TPH2: variants seen among roughly 807,000 people sequenced by gnomAD.
TPH2 encodes tryptophan 5-hydroxylase 2.
Under a neutral mutation model 59.1 loss-of-function variants are expected in TPH2, and 27 were observed. The observed-to-expected ratio is 0.46, with a 90% CI of 0.34 to 0.63. TPH2 has a LOEUF of 0.63. Among genes scored for constraint, TPH2 ranks in the 30% least tolerant of loss-of-function variants. The pLI is 0.01. For synonymous variants in TPH2, 220 were observed against 210.5 expected, an observed-to-expected ratio of 1.05 and a Z score of -0.39; for missense variants, 523 against 588.3, an observed-to-expected ratio of 0.89 and a Z score of 1.15.
At chr12:71,969,734 T>A (rs1359383341) in intron 5 of TPH2, among the ~76,000 whole-genome samples, 6 of 152,242 alleles carry the variant, frequency 3.9e-5, no homozygotes, top group Non-Finnish European at 8.8e-5. Flanking sequence ...GAAAAATCAA[T>A]TTTACTCCAT....
At chr12:71,969,891 C>T (rs1210890204) in intron 5 of TPH2, among the ~76,000 whole-genome samples, 1 of 152,128 alleles carries the variant, frequency 6.6e-6, no homozygotes, top group Non-Finnish European at 1.5e-5. Flanking sequence ...CTTTCCTCAT[C>T]CATAAAATGG....
intron 5 of TPH2, among the ~76,000 whole-genome samples, chr12:71,951,809 T>C (rs1308977742): frequency 6.6e-6 from 1 of 152,060 alleles, no homozygotes; most frequent in African/African-American, 2.4e-5. Context: ...GCAGATCACC[T>C]GAGGTCAGGA....
At chr12:71,969,640 A>G (rs955796498) in intron 5 of TPH2, among the ~76,000 whole-genome samples, 1 of 152,246 alleles carries the variant, frequency 6.6e-6, no homozygotes, top group Non-Finnish European at 1.5e-5. Context: ...ATGACATATA[A>G]TTGTATATGA....
chr12:71,978,943 C>G lies in TPH2; in HGVS notation c.806-9C>G. ...AATATTTAGTTGGCTTTTTCTGTTG[C>G]CTTTTTAGAAAGGTCTGGCTTCACG... On this transcript the variant is annotated splice_polypyrimidine_tract_variant and intron_variant, in intron 6 of 10. Transcript: ENST00000333850. The G allele has an allele frequency of 6.2e-7, 1 of 1,614,104 alleles. No individual in the cohort carries two copies. Among genetic ancestry groups the G allele is most frequent in the Non-Finnish European group, 8.5e-7 (1 of 1,179,990 alleles).
chr12:72,007,124 G>A (rs1872975170), intron 8 of TPH2, among the ~76,000 whole-genome samples: 1 of 152,092 alleles, frequency 6.6e-6, no homozygotes, highest in Non-Finnish European at 1.5e-5. Flanking sequence ...GTTTTAGATG[G>A]AGATAGCATG....
At chr12:72,006,059 C>T (rs1383992747) in intron 8 of TPH2, among the ~76,000 whole-genome samples, 1 of 152,160 alleles carries the variant, frequency 6.6e-6, no homozygotes, top group Admixed American at 6.5e-5. Context: ...AGGGTGAACT[C>T]TACTATATAT....
intron 4 of TPH2, among the ~76,000 whole-genome samples, chr12:71,949,225 G>A (rs1048658972): frequency 5.3e-5 from 8 of 152,140 alleles, no homozygotes; most frequent in African/African-American, 1.9e-4. Flanking sequence ...TCATGTTAAA[G>A]GGATCTGTTT....
At position 71,994,621 on chromosome 12, in the gene TPH2, G is replaced by A; in HGVS notation, c.1068+56G>A. Reference sequence around the variant, plus strand: ...TATTTATGTCCATTTGTAAGGTAAAGAAAGCTTCAGGATTATTGACTATGA... The same window carrying A: ...TATTTATGTCCATTTGTAAGGTAAAAAAAGCTTCAGGATTATTGACTATGA... On this transcript the variant is annotated intron_variant, in intron 8 of 10. Transcript: ENST00000333850. 3 of 1,602,812 alleles carry A rather than the reference G, an allele frequency of 1.9e-6. No homozygotes were observed. The South Asian group carries it at 3.3e-5, about 18-fold the overall frequency.
chr12:71,974,699 A>C (rs368215496), intron 6 of TPH2, among the ~76,000 whole-genome samples: 8 of 152,294 alleles, frequency 5.3e-5, no homozygotes, highest in African/African-American at 1.9e-4. Flanking sequence ...TACTTAGCCT[A>C]CCACAATCTC....
chr12:71,976,422 T>C (rs1321245417), intron 6 of TPH2, among the ~76,000 whole-genome samples: 1 of 152,192 alleles, frequency 6.6e-6, no homozygotes, highest in East Asian at 1.9e-4. Flanking sequence ...CCTAATTTAT[T>C]TAAAACAGAA....
chr12:71,944,369 G>C lies in TPH2; in HGVS notation c.331G>C (p.Asp111His). Residue 111 changes from aspartate (D) to histidine (H), a missense_variant, in exon 3 of 11, where the codon GAC becomes CAC. Coordinates refer to ENST00000333850, the MANE Select transcript of TPH2 (RefSeq NM_173353.4). ...RRSSEVEIFV[D>H]CECGKTEFNE... Reference sequence around the variant, plus strand: ...AAGTTCTGAGGTTGAAATCTTTGTGGACTGTGAGTGTGGGAAAACAGAATT... The same window carrying C: ...AAGTTCTGAGGTTGAAATCTTTGTGCACTGTGAGTGTGGGAAAACAGAATT... 6.2e-7 allele frequency: 1 copy of C among 1,613,878 alleles called. No individual in the cohort carries two copies. The highest frequency in any genetic ancestry group is 8.5e-7 in the Non-Finnish European group (1 of 1,179,840).
chr12:72,029,003 C>T lies in TPH2; in HGVS notation c.1165-2255C>T, dbSNP rs531014942. On this transcript the variant is annotated intron_variant, in intron 9 of 10. Coordinates refer to ENST00000333850, the MANE Select transcript of TPH2 (RefSeq NM_173353.4). Reference sequence around the variant, plus strand: ...TTTTAGCTGTTAAAATGACTAAATACGTATCTGGCTATCCAGTGGAATTGT... The same window carrying T: ...TTTTAGCTGTTAAAATGACTAAATATGTATCTGGCTATCCAGTGGAATTGT... Among the ~76,000 whole-genome samples the T allele has an allele frequency of 2.1e-3, 324 of 152,276 alleles. 2 individuals carry two copies. The highest frequency in any genetic ancestry group is 7.1e-3 in the African/African-American group (297 of 41,552).
intron 5 of TPH2, among the ~76,000 whole-genome samples, chr12:71,966,541 G>T (rs186059029): frequency 1.6e-3 from 240 of 152,266 alleles, no homozygotes; most frequent in African/African-American, 5.3e-3. Context: ...TCTATTCCAG[G>T]CAGATAAACA....
intron 9 of TPH2, among the ~76,000 whole-genome samples, chr12:72,024,414 C>T (rs1437742676): frequency 6.6e-6 from 1 of 152,218 alleles, no homozygotes; most frequent in Admixed American, 6.5e-5. Context: ...TAACAAAAAA[C>T]TGATGACCTG....
chr12:71,995,445 G>A (rs369054482), intron 8 of TPH2, among the ~76,000 whole-genome samples: 6 of 152,144 alleles, frequency 3.9e-5, no homozygotes, highest in African/African-American at 9.7e-5. Flanking sequence ...CACCACAGTG[G>A]CATATTTGAT....
chr12:71,962,245 T>A (rs1871706748), intron 5 of TPH2: 1 of 985,504 alleles, frequency 1.0e-6, no homozygotes, highest in Non-Finnish European at 1.2e-6. Context: ...TACTGATTTG[T>A]GAGTTTTTGT....
At chr12:72,006,733 C>G (rs773659207) in intron 8 of TPH2, among the ~76,000 whole-genome samples, 1 of 152,014 alleles carries the variant, frequency 6.6e-6, no homozygotes, top group African/African-American at 2.4e-5. Context: ...TCAGAGGAAC[C>G]TGATTAGAAT....
At chr12:71,988,724 A>T (rs1218811033) in intron 7 of TPH2, among the ~76,000 whole-genome samples, 1 of 152,150 alleles carries the variant, frequency 6.6e-6, no homozygotes, top group Non-Finnish European at 1.5e-5. Flanking sequence ...ATCAGTAGGG[A>T]GCTAGTGATA....
intron 5 of TPH2, chr12:71,962,126 C>G (rs968495000): frequency 1.0e-6 from 1 of 990,546 alleles, no homozygotes; most frequent in Non-Finnish European, 1.2e-6. Flanking sequence ...GCTTAGCAGT[C>G]GTGGGGCTCC....
Sources: allele counts gnomAD v4.1 joint callset (sites outside exome capture counted in the v4.1 genomes callset), GRCh38; gene constraint gnomAD v4.1.1; transcripts MANE v1.5; gene names NCBI Gene and HGNC (gene_info 2026-07-23, HGNC 2026-07-21).